Variants in NBPF11 observed in about 807,000 individuals in gnomAD.
NBPF11 encodes the protein NBPF family member NBPF11.
A neutral mutation model predicts 93.9 loss-of-function variants in NBPF11; 72 were observed. The ratio of observed to expected loss-of-function variants is 0.77; its 90% CI spans 0.63 to 0.93. The LOEUF is 0.93. Among genes scored for constraint, NBPF11 ranks in the 40% least tolerant of loss-of-function variants. The probability of loss-of-function intolerance (pLI) is 0.00; values close to 1 mark genes in which losing one functional copy is unlikely to be tolerated. For missense variants in NBPF11, 705 were observed against 802.2 expected (o/e 0.88, Z 1.46); for synonymous variants, 224 against 304.9 (o/e 0.73, Z 2.76).
intron 7 of NBPF11, among the ~76,000 whole-genome samples, chr1:148,123,380 G>A (rs3895178): frequency 1.2e-3 from 184 of 152,268 alleles, no homozygotes; most frequent in African/African-American, 4.0e-3. Flanking sequence ...AAAAGCATTC[G>A]TAAGTGTTCC....
chr1:148,144,639 T>A (rs1672720417), intron 1 of NBPF11, among the ~76,000 whole-genome samples: 1 of 151,636 alleles, frequency 6.6e-6, no homozygotes, highest in Non-Finnish European at 1.5e-5. Context: ...CTGTAAGAGA[T>A]TTTAGTACCT....
intron 4 of NBPF11, among the ~76,000 whole-genome samples, chr1:148,132,724 T>A (rs1437478666): frequency 2.7e-5 from 1 of 37,246 alleles, no homozygotes; most frequent in Non-Finnish European, 5.1e-5. Context: ...TTGACTTTCC[T>A]TTTTTTTTTT....
chr1:148,122,117 G>A lies in NBPF11; in HGVS notation c.716C>T (p.Ser239Phe). 1.9e-6 allele frequency: 3 copies of A among 1,613,510 alleles called. No individual in the cohort carries two copies. The highest frequency in any genetic ancestry group is 1.1e-5 in the South Asian group (1 of 91,068). Residue 239 changes from serine (S) to phenylalanine (F), a missense_variant, in exon 9 of 24, where the codon TCT becomes TTT. Around this residue, in one of 12 missense-constraint regions of NBPF11, gnomAD observed 262 missense variants for 223.1 expected, o/e 1.17. Transcript: ENST00000682118. ...AGAGGATTCTCTGTCTACAACCAGA[G>A]ATGAGTTGACTTTGTCTTCCTCAAA... Reference protein sequence around the residue: ...ITFEEDKVNSSLVVDRESSHD... With the variant: ...ITFEEDKVNSFLVVDRESSHD...
At chr1:148,150,853 G>A (rs1221279468) in intron 1 of NBPF11, among the ~76,000 whole-genome samples, 6 of 151,024 alleles carry the variant, frequency 4.0e-5, no homozygotes, top group South Asian at 2.1e-4. Context: ...TCAGCCTCCC[G>A]AGTAGCTGGG....
In NBPF11 at chr1:148,122,102, C is replaced by T; in HGVS notation, c.731G>A (p.Arg244Lys). 6.2e-7 allele frequency: 1 copy of T among 1,613,236 alleles called. No individual in the cohort carries two copies. Among genetic ancestry groups the T allele is most frequent in the Non-Finnish European group, 8.5e-7 (1 of 1,179,316 alleles). Residue 244 changes from arginine (R) to lysine (K), a missense_variant, in exon 9 of 24, where the codon AGA becomes AAA. Coordinates refer to ENST00000682118, the MANE Select transcript of NBPF11 (RefSeq NM_001385469.3). ...CTGACATCCATCATGAGAGGATTCTCTGTCTACAACCAGAGATGAGTTGAC... is the reference window on the plus strand; with the variant it reads ...CTGACATCCATCATGAGAGGATTCTTTGTCTACAACCAGAGATGAGTTGAC... ...DKVNSSLVVD[R>K]ESSHDGCQDA...
At chr1:148,106,842 A>G in intron 20 of NBPF11, 100 bp downstream of exon 20, 1 of 813,238 alleles carries the variant, frequency 1.2e-6, no homozygotes, top group East Asian at 2.6e-5. Flanking sequence ...GCCTGTGGCA[A>G]TGAAGTCTCT....
intron 15 of NBPF11, among the ~76,000 whole-genome samples, chr1:148,111,510 A>T (rs1440028030): frequency 6.6e-6 from 1 of 151,938 alleles, no homozygotes; most frequent in Non-Finnish European, 1.5e-5. Flanking sequence ...CCTTAAAAAA[A>T]GATTAGACGA....
At chr1:148,122,352 G>T in intron 8 of NBPF11, 86 bp from the exon 9 acceptor site, 1 of 1,596,856 alleles carries the variant, frequency 6.3e-7, no homozygotes, top group Non-Finnish European at 8.6e-7. Flanking sequence ...TTTGACAAGC[G>T]GCATTAAGAG....
At chr1:148,115,699 T>C (rs1284117604) in intron 14 of NBPF11, 94 bp downstream of exon 14, 16 of 1,083,194 alleles carry the variant, frequency 1.5e-5, no homozygotes, top group Non-Finnish European at 2.2e-5. Flanking sequence ...CACAGTTTTT[T>C]ATTCAAATGA....
rs1197128991 is a variant in NBPF11, at chr1:148,130,092, CTT to C, written c.-35-3056_-35-3055del. ...ACCCCTCCTGTGTGTGGCTGGAAAA[CTT>C]TTTTGTTTTGATGGATTTTTTATGA... On this transcript the variant is annotated intron_variant, in intron 4 of 23. Transcript: ENST00000682118. Among the ~76,000 whole-genome samples the C allele has an allele frequency of 1.9e-3, 276 of 144,212 alleles. 2 individuals carry two copies. The highest frequency in any genetic ancestry group is 6.8e-3 in the African/African-American group (261 of 38,534). The allele number at this position is 144,212 out of a possible 152,430, so 94.6% of individuals were successfully genotyped here.
In NBPF11 at chr1:148,119,988, T is replaced by C. The variant is rs1169177209; in HGVS notation, c.988+513A>G. Among the ~76,000 whole-genome samples the C allele has an allele frequency of 6.6e-4, 101 of 152,072 alleles. 1 individual carries two copies. Among genetic ancestry groups the C allele is most frequent in the African/African-American group, 2.3e-3 (95 of 41,392 alleles). On this transcript the variant is annotated intron_variant, in intron 10 of 23. Coordinates refer to ENST00000682118, the MANE Select transcript of NBPF11 (RefSeq NM_001385469.3). Reference sequence around the variant, plus strand: ...TGCTCTTGATGCTGTCACTTATAGATAGCACAGGTTCTATTAGGAGCAGAC... The same window carrying C: ...TGCTCTTGATGCTGTCACTTATAGACAGCACAGGTTCTATTAGGAGCAGAC...
intron 3 of NBPF11, among the ~76,000 whole-genome samples, chr1:148,137,328 G>C (rs1222728342): frequency 6.6e-6 from 1 of 151,142 alleles, no homozygotes; most frequent in African/African-American, 2.5e-5. Flanking sequence ...TCTGGAGTCA[G>C]AGTAGACTGT....
rs1178359593 is a variant in NBPF11, at chr1:148,151,999, T to A, written c.-798A>T. The A allele has an allele frequency of 6.6e-6, 1 of 152,104 alleles. No homozygotes were observed. The highest frequency in any genetic ancestry group is 2.1e-4 in the South Asian group (1 of 4,814). The allele number at this position is 152,104 out of a possible 1,614,324, so 9.4% of individuals were successfully genotyped here. A position where few individuals can be genotyped will look rare whatever the true frequency, so the allele number is the denominator to read the frequency against. On this transcript the variant is annotated 5_prime_UTR_variant, in exon 1 of 24. Transcript: ENST00000682118. ...GGCTCCTCAGGGTCCGGATGGGCCGTGTCAGGAGAGCCCAAGGCACAGGCG... is the reference window on the plus strand; with the variant it reads ...GGCTCCTCAGGGTCCGGATGGGCCGAGTCAGGAGAGCCCAAGGCACAGGCG...
At position 148,126,843 on chromosome 1, in the gene NBPF11, C is replaced by T. The variant is rs4430386; in HGVS notation, c.161G>A (p.Arg54Gln). The T allele has an allele frequency of 4.3e-5, 67 of 1,565,948 alleles. No homozygotes were observed. The South Asian group carries it at 5.4e-4, about 13-fold the overall frequency. The change falls in exon 5 of 24, where the codon CGA becomes CAA. Residue 54 changes from arginine to glutamine, a missense_variant. Around this residue, in one of 12 missense-constraint regions of NBPF11, gnomAD observed 128 missense variants for 112.8 expected, o/e 1.14. Transcript: ENST00000682118. Reference protein sequence around the residue: ...LTQLAGFLANRQKKYKYEECK... With the variant: ...LTQLAGFLANQQKKYKYEECK... Reference sequence around the variant, plus strand: ...ATAGATCTTACTGTATTTCTTCTGTCGGTTGGCCAGGAAGCCGGCCAGTTG... The same window carrying T: ...ATAGATCTTACTGTATTTCTTCTGTTGGTTGGCCAGGAAGCCGGCCAGTTG...
At chr1:148,147,870 A>G (rs1673445704) in intron 1 of NBPF11, among the ~76,000 whole-genome samples, 2 of 151,916 alleles carry the variant, frequency 1.3e-5, no homozygotes, top group Non-Finnish European at 2.9e-5. Flanking sequence ...TGGCAGAGTC[A>G]CACCTGCCAT....
chr1:148,146,588 G>T (rs1371746094), intron 1 of NBPF11: 37 of 1,608,648 alleles, frequency 2.3e-5, no homozygotes, highest in Non-Finnish European at 3.1e-5. Context: ...GCACCCGGGC[G>T]CTGGAAGCTG....
chr1:148,131,060 T>C (rs1571472093), intron 4 of NBPF11, among the ~76,000 whole-genome samples: 1 of 150,990 alleles, frequency 6.6e-6, no homozygotes, highest in Non-Finnish European at 1.5e-5. Context: ...ATGAAGAAAC[T>C]ATCATGAGCA....
At chr1:148,116,300 C>T (rs1386835333) in intron 13 of NBPF11, among the ~76,000 whole-genome samples, 163 bp downstream of exon 13, 2 of 152,042 alleles carry the variant, frequency 1.3e-5, no homozygotes, top group Non-Finnish European at 2.9e-5. Context: ...CATAGAGAAA[C>T]ATGACAGCTG....
At chr1:148,146,401 G>C (rs1459171956) in intron 1 of NBPF11, 1 of 1,598,270 alleles carries the variant, frequency 6.3e-7, no homozygotes. Context: ...CGCCATGAAC[G>C]GGCTGTCGCT....
Sources: allele counts gnomAD v4.1 joint callset (sites outside exome capture counted in the v4.1 genomes callset), GRCh38; gene constraint gnomAD v4.1.1; regional missense constraint gnomAD v4.1.1; transcripts MANE v1.5; gene names NCBI Gene and HGNC (gene_info 2026-07-23, HGNC 2026-07-21).